The following SNTG1 variants were observed in gnomAD, a reference collection of about 807,000 sequenced individuals.
SNTG1 encodes the protein gamma-1-syntrophin.
Under a neutral mutation model 74.7 loss-of-function variants are expected in SNTG1, and 39 were observed. The ratio of observed to expected loss-of-function variants is 0.52; its 90% CI spans 0.40 to 0.68. SNTG1 has a LOEUF of 0.68. SNTG1 is among the 30% of genes least tolerant of loss of function. The pLI, the probability that SNTG1 is intolerant of heterozygous loss-of-function variation, is 0.00. For missense variants in SNTG1, 685 were observed against 609.5 expected (o/e 1.12, Z -1.30); for synonymous variants, 254 against 217.1 (o/e 1.17, Z -1.49).
intron 3 of SNTG1, among the ~76,000 whole-genome samples, chr8:50,395,027 G>A (rs916920089): frequency 1.3e-5 from 2 of 152,062 alleles, no homozygotes; most frequent in Non-Finnish European, 2.9e-5. Context: ...CTCTGGTAGT[G>A]TTAAAATCAA....
Position 49,979,197 on chromosome 8 carries a change from G to T in SNTG1, c.-103+66966G>T, listed in dbSNP as rs542467951. 3.3e-4 allele frequency among the ~76,000 whole-genome samples: 51 copies of T among 152,338 alleles called. 1 individual carries two copies. The highest frequency in any genetic ancestry group is 7.8e-4 in the Admixed American group (12 of 15,308). On this transcript the variant is annotated intron_variant, in intron 1 of 18. Coordinates refer to ENST00000642720, the MANE Select transcript of SNTG1 (RefSeq NM_018967.5). ...GAGCAGCAGGGCAGTTCACAATGGC[G>T]AGACGCAGACGCCTTTGGGGCGGTG...
At chr8:50,748,831 G>A (rs2095560886) in intron 17 of SNTG1, among the ~76,000 whole-genome samples, 1 of 151,990 alleles carries the variant, frequency 6.6e-6, no homozygotes, top group East Asian at 1.9e-4. Flanking sequence ...AAAAAGATGT[G>A]TGTTCTGACT....
intron 8 of SNTG1, among the ~76,000 whole-genome samples, chr8:50,495,766 T>A (rs2093898076): frequency 6.6e-6 from 1 of 152,154 alleles, no homozygotes; most frequent in Admixed American, 6.5e-5. Context: ...CAGTTGTGAA[T>A]GTATATACCT....
At chr8:50,690,126 G>C (rs2095371198) in intron 15 of SNTG1, among the ~76,000 whole-genome samples, 1 of 152,042 alleles carries the variant, frequency 6.6e-6, no homozygotes, top group Non-Finnish European at 1.5e-5. Flanking sequence ...GCGTCTATTT[G>C]ATTCTTCTCT....
chr8:50,276,509 G>A (rs1257273368), intron 2 of SNTG1, among the ~76,000 whole-genome samples: 1 of 151,184 alleles, frequency 6.6e-6, no homozygotes, highest in African/African-American at 2.4e-5. Flanking sequence ...CATTCTGGAA[G>A]GAAACTGTCA....
intron 1 of SNTG1, among the ~76,000 whole-genome samples, chr8:50,038,923 A>T (rs1818387444): frequency 6.6e-6 from 1 of 152,106 alleles, no homozygotes; most frequent in African/African-American, 2.4e-5. Flanking sequence ...ACATCAGCTG[A>T]TCATGCCCCA....
chr8:50,728,213 C>T (rs2095504739), intron 17 of SNTG1, among the ~76,000 whole-genome samples: 1 of 152,146 alleles, frequency 6.6e-6, no homozygotes, highest in African/African-American at 2.4e-5. Context: ...GTCCCCTTCT[C>T]ATAGTATATC....
chr8:50,734,964 T>TGG lies in SNTG1; in HGVS notation c.1285-17037_1285-17036insGG, dbSNP rs774436911. On this transcript the variant is annotated intron_variant, in intron 17 of 18. Coordinates refer to ENST00000642720, the MANE Select transcript of SNTG1 (RefSeq NM_018967.5). ...ATATATGGACATATATATCTATATA[T>TGG]CCATATATATCTATCCATATATATG... Among the ~76,000 whole-genome samples, 25 of 60,682 alleles carry TGG rather than the reference T, an allele frequency of 4.1e-4. 3 individuals are homozygous for TGG. Among genetic ancestry groups the TGG allele is most frequent in the African/African-American group, 4.6e-4 (3 of 6,584 alleles). 39.8% of individuals were successfully genotyped at this position (60,682 alleles called of 152,430 possible).
chr8:50,275,762 G>A (rs2088063765), intron 2 of SNTG1, among the ~76,000 whole-genome samples: 1 of 152,118 alleles, frequency 6.6e-6, no homozygotes, highest in South Asian at 2.1e-4. Flanking sequence ...GCAAGATATG[G>A]ACTCCAGCGA....
At chr8:50,036,247 A>G (rs1010646199) in intron 1 of SNTG1, among the ~76,000 whole-genome samples, 1 of 152,206 alleles carries the variant, frequency 6.6e-6, no homozygotes, top group African/African-American at 2.4e-5. Flanking sequence ...ACAGTTCAAC[A>G]CCATTTTATT....
At chr8:50,102,621 T>G (rs2080183066) in intron 1 of SNTG1, among the ~76,000 whole-genome samples, 1 of 149,170 alleles carries the variant, frequency 6.7e-6, no homozygotes, top group Non-Finnish European at 1.5e-5. Context: ...GTTTTAGACA[T>G]GAAGTCCTTG....
intron 18 of SNTG1, among the ~76,000 whole-genome samples, chr8:50,759,347 C>A (rs963405854): frequency 6.6e-6 from 1 of 151,904 alleles, no homozygotes; most frequent in African/African-American, 2.4e-5. Flanking sequence ...GCTTTTGTTG[C>A]CATTGCTTTT....
intron 1 of SNTG1, among the ~76,000 whole-genome samples, chr8:50,157,005 C>T (rs938165797): frequency 6.6e-6 from 1 of 151,974 alleles, no homozygotes. Flanking sequence ...ATTGAAACTG[C>T]ACAAAATTCT....
chr8:50,430,232 G>A (rs373944537), intron 4 of SNTG1, among the ~76,000 whole-genome samples: 13 of 152,080 alleles, frequency 8.5e-5, no homozygotes, highest in African/African-American at 3.1e-4. Flanking sequence ...TTAATTTCAT[G>A]GCATATGAAT....
chr8:50,272,620 A>G (rs1006058819), intron 2 of SNTG1, among the ~76,000 whole-genome samples: 2 of 152,190 alleles, frequency 1.3e-5, no homozygotes, highest in Non-Finnish European at 2.9e-5. Context: ...CCCAATGGCC[A>G]CAGGATACCC....
At chr8:50,527,641 C>T (rs1374100461) in intron 9 of SNTG1, among the ~76,000 whole-genome samples, 1 of 151,852 alleles carries the variant, frequency 6.6e-6, no homozygotes, top group Non-Finnish European at 1.5e-5. Context: ...ATTATTGTAA[C>T]ATATCCTAAA....
At chr8:50,123,808 A>G (rs2131367325) in intron 1 of SNTG1, among the ~76,000 whole-genome samples, 1 of 142,750 alleles carries the variant, frequency 7.0e-6, no homozygotes, top group African/African-American at 2.5e-5. Flanking sequence ...AAAAATGCAC[A>G]CAAGCCAACA....
rs1162032268 is a variant in SNTG1, at chr8:50,212,725, A to C, written c.-28+40090A>C. 3.3e-5 allele frequency among the ~76,000 whole-genome samples: 5 copies of C among 152,188 alleles called. No homozygotes were observed. In the East Asian group the frequency reaches 9.6e-4, roughly 29 times the overall value. On this transcript the variant is annotated intron_variant, in intron 2 of 18. Coordinates refer to ENST00000642720, the MANE Select transcript of SNTG1 (RefSeq NM_018967.5). ...ATGTCTATATATACTCTGTGGCAGA[A>C]AAATTCAAATTCTGAAAGTGCTGTT...
At chr8:50,710,610 A>C (rs1042450814) in intron 17 of SNTG1, among the ~76,000 whole-genome samples, 1 of 152,210 alleles carries the variant, frequency 6.6e-6, no homozygotes, top group Non-Finnish European at 1.5e-5. Context: ...ATTTCTGAGT[A>C]TGCGAATCTA....
Sources: allele counts gnomAD v4.1 joint callset (sites outside exome capture counted in the v4.1 genomes callset), GRCh38; gene constraint gnomAD v4.1.1; transcripts MANE v1.5; gene names NCBI Gene and HGNC (gene_info 2026-07-23, HGNC 2026-07-21).